The following PHACTR2 variants were observed in gnomAD, a reference collection of about 807,000 sequenced individuals.
PHACTR2 encodes chromosome 6 open reading frame 56.
In PHACTR2, 30 loss-of-function variants were observed where a neutral mutation model predicts 76.0. The observed-to-expected ratio is 0.39, with a 90% CI of 0.30 to 0.54. PHACTR2 has a LOEUF of 0.54. PHACTR2 is among the 20% of genes least tolerant of loss of function. PHACTR2 has a pLI of 0.61. For missense variants in PHACTR2, 696 were observed against 781.1 expected (o/e 0.89, Z 1.30); for synonymous variants, 292 against 292.5 (o/e 1.00, Z 0.02).
rs1349572677 is a variant in PHACTR2, at chr6:143,803,330, T to C, written c.1846-3727T>C. On this transcript the variant is annotated intron_variant, in intron 11 of 12. Coordinates refer to ENST00000440869, the MANE Select transcript of PHACTR2 (RefSeq NM_001100164.2). The surrounding 1 kb of genome is among the most constrained non-coding windows in gnomAD (Gnocchi z 4.7). ...TGGGAGGCCGAAGTGGGGAGATTGC[T>C]TGAGCCTAGGAGTTTGAGACCAGCC... is the stretch of plus-strand genomic sequence containing the variant. 6.6e-6 allele frequency among the ~76,000 whole-genome samples: 1 copy of C among 152,196 alleles called. No homozygotes were observed. Among genetic ancestry groups the C allele is most frequent in the East Asian group, 1.9e-4 (1 of 5,198 alleles).
chr6:143,741,619 C>G (rs9484810), intron 2 of PHACTR2, among the ~76,000 whole-genome samples: 15 of 152,118 alleles, frequency 9.9e-5, no homozygotes, highest in African/African-American at 3.4e-4. Flanking sequence ...TATCAGATTT[C>G]TGGGTGAAAT....
intron 5 of PHACTR2, among the ~76,000 whole-genome samples, chr6:143,762,675 C>A (rs1181349604): frequency 6.6e-6 from 1 of 152,134 alleles, no homozygotes; most frequent in African/African-American, 2.4e-5. Flanking sequence ...TGATGTTCAG[C>A]CCAGTGATTT....
At chr6:143,572,363 G>A (rs1380329408) in intron 1 of PHACTR2, among the ~76,000 whole-genome samples, 2 of 152,134 alleles carry the variant, frequency 1.3e-5, no homozygotes, top group African/African-American at 4.8e-5. Flanking sequence ...CAACACTGAA[G>A]TGAACCTGAA....
At position 143,585,846 on chromosome 6, in the gene PHACTR2, G is replaced by A. The variant is rs1444129926; in HGVS notation, c.217+48639G>A. On this transcript the variant is annotated intron_variant, in intron 1 of 11. Transcript: ENST00000367584. The surrounding 1 kb of genome is among the most constrained non-coding windows in gnomAD (Gnocchi z 5.2). ...TTAATGTAGCGCTGAATGTTTAAACGGGAAGTGGATGAGCCCAGCAGCAGG... is the reference window on the plus strand; with the variant it reads ...TTAATGTAGCGCTGAATGTTTAAACAGGAAGTGGATGAGCCCAGCAGCAGG... 2.0e-5 allele frequency among the ~76,000 whole-genome samples: 3 copies of A among 152,152 alleles called. No individual in the cohort carries two copies. Among genetic ancestry groups the A allele is most frequent in the Admixed American group, 2.0e-4 (3 of 15,270 alleles).
At position 143,640,000 on chromosome 6, in the gene PHACTR2, A is replaced by C. The variant is rs921516739; in HGVS notation, c.13+31678A>C. Among the ~76,000 whole-genome samples, 12 of 152,224 alleles carry C rather than the reference A, an allele frequency of 7.9e-5. No individual in the cohort carries two copies. The highest frequency in any genetic ancestry group is 2.9e-4 in the African/African-American group (12 of 41,470). ...ATGATGTTTCTGCCAACAGTGGGCC[A>C]CATATATGATGGTAATTCTGTGTAA... is the stretch of plus-strand genomic sequence containing the variant. On this transcript the variant is annotated intron_variant, in intron 1 of 11. Coordinates refer to the PHACTR2 transcript ENST00000305766. This position sits in a 1 kb window ranked among gnomAD's most constrained non-coding sequence, Gnocchi z 5.0.
rs1028569478 is a variant in PHACTR2 at position 143,764,247 on chromosome 6, A to T, written c.695-1014A>T. Among the ~76,000 whole-genome samples, 2 of 152,118 alleles carry T rather than the reference A, an allele frequency of 1.3e-5. No homozygotes were observed. The highest frequency in any genetic ancestry group is 4.8e-5 in the African/African-American group (2 of 41,432). On this transcript the variant is annotated intron_variant, in intron 5 of 12. Coordinates refer to ENST00000440869, the MANE Select transcript of PHACTR2 (RefSeq NM_001100164.2). The surrounding 1 kb of genome is among the most constrained non-coding windows in gnomAD (Gnocchi z 4.7). ...CCAGACACGGTGGCTCACACCTGTA[A>T]TTCTTTGGAGCCACCAAAGCCTCTC...
intron 1 of PHACTR2, among the ~76,000 whole-genome samples, chr6:143,628,946 T>C (rs1344741689): frequency 2.1e-5 from 1 of 46,924 alleles, no homozygotes; most frequent in African/African-American, 7.1e-5. Flanking sequence ...TATATATATA[T>C]ATATATATAT....
rs551163306 is a variant in PHACTR2 at position 143,709,608 on chromosome 6, C to A, written c.47-2408C>A. 6.6e-6 allele frequency among the ~76,000 whole-genome samples: 1 copy of A among 152,242 alleles called. No homozygotes were observed. Among genetic ancestry groups the A allele is most frequent in the South Asian group, 2.1e-4 (1 of 4,826 alleles). On this transcript the variant is annotated intron_variant, in intron 1 of 12. Transcript: ENST00000440869. This position sits in a 1 kb window ranked among gnomAD's most constrained non-coding sequence, Gnocchi z 4.4. ...GAAGCAGTGGGTGCCGCCTTGTCACCCCGACATGGAGGTAAAAATCCCATT... is the reference window on the plus strand; with the variant it reads ...GAAGCAGTGGGTGCCGCCTTGTCACACCGACATGGAGGTAAAAATCCCATT...
In PHACTR2 at chr6:143,767,106, A is replaced by G. The variant is rs968335199; in HGVS notation, c.1232+1308A>G. ...TTAATTGCTAATGATAATAACCTTT[A>G]TTTATTGAATACTCATTTAGTGTCA... On this transcript the variant is annotated intron_variant, in intron 6 of 12. Transcript: ENST00000440869. This position sits in a 1 kb window ranked among gnomAD's most constrained non-coding sequence, Gnocchi z 4.4. Among the ~76,000 whole-genome samples the G allele has an allele frequency of 3.9e-5, 6 of 152,220 alleles. No homozygotes were observed. The highest frequency in any genetic ancestry group is 3.9e-4 in the Admixed American group (6 of 15,280).
At chr6:143,632,252 T>C (rs1373864115) in intron 1 of PHACTR2, among the ~76,000 whole-genome samples, 1 of 152,216 alleles carries the variant, frequency 6.6e-6, no homozygotes, top group Admixed American at 6.5e-5. Context: ...CCACATGATA[T>C]TGTTCTTTAG....
At chr6:143,604,887 G>A (rs546285536), upstream of PHACTR2, among the ~76,000 whole-genome samples, 8 of 111,142 alleles carry the variant, frequency 7.2e-5, no homozygotes, top group South Asian at 2.6e-4. Context: ...GCAAGACTCC[G>A]TCTCAAAAAA....
rs1778706295 is a variant in PHACTR2, at chr6:143,731,816, T to C, written c.215-17169T>C. On this transcript the variant is annotated intron_variant, in intron 2 of 12. Transcript: ENST00000440869. This position sits in a 1 kb window ranked among gnomAD's most constrained non-coding sequence, Gnocchi z 4.9. ...GTTGTTATTTTCTTCTTGAAATGTTTGGTAGAATAAACAGTAAAGCATTAT... is the reference window on the plus strand; with the variant it reads ...GTTGTTATTTTCTTCTTGAAATGTTCGGTAGAATAAACAGTAAAGCATTAT... Among the ~76,000 whole-genome samples the C allele has an allele frequency of 6.6e-6, 1 of 152,212 alleles. No homozygotes were observed. The highest frequency in any genetic ancestry group is 2.1e-4 in the South Asian group (1 of 4,834).
rs1052726145 is a variant in PHACTR2, at chr6:143,684,838, C to G, written c.46+6629C>G. Among the ~76,000 whole-genome samples, 12 of 152,228 alleles carry G rather than the reference C, an allele frequency of 7.9e-5. No individual in the cohort carries two copies. The South Asian group carries it at 1.2e-3, about 16-fold the overall frequency. On this transcript the variant is annotated intron_variant, in intron 1 of 12. Transcript: ENST00000440869. This position sits in a 1 kb window ranked among gnomAD's most constrained non-coding sequence, Gnocchi z 4.3. ...AACACTCTACACAACTGTACATGACCACAATGCTGTGCATAAATAATTTTT... is the reference window on the plus strand; with the variant it reads ...AACACTCTACACAACTGTACATGACGACAATGCTGTGCATAAATAATTTTT...
chr6:143,682,894 A>G (rs903883368), intron 1 of PHACTR2, among the ~76,000 whole-genome samples: 2 of 152,118 alleles, frequency 1.3e-5, no homozygotes, highest in African/African-American at 4.8e-5. Flanking sequence ...TTTTATCATG[A>G]AAGATTGTTC....
intron 1 of PHACTR2, among the ~76,000 whole-genome samples, chr6:143,601,632 G>A (rs1268518199): frequency 6.6e-6 from 1 of 152,222 alleles, no homozygotes; most frequent in Non-Finnish European, 1.5e-5. Context: ...CTTTCACGGA[G>A]ATAGGCTTTT....
upstream of PHACTR2, among the ~76,000 whole-genome samples, chr6:143,604,155 A>G (rs562336807): frequency 6.6e-6 from 1 of 152,228 alleles, no homozygotes; most frequent in Non-Finnish European, 1.5e-5. Flanking sequence ...ATATGTTCCA[A>G]AATGAATAGG....
chr6:143,574,141 T>G (rs1207054195), intron 1 of PHACTR2, among the ~76,000 whole-genome samples: 1 of 152,216 alleles, frequency 6.6e-6, no homozygotes, highest in Non-Finnish European at 1.5e-5. Flanking sequence ...CGTGCAGCTG[T>G]GTGGCTGAGT....
At position 143,598,178 on chromosome 6, in the gene PHACTR2, C is replaced by T. The variant is rs1228132595; in HGVS notation, c.217+60971C>T. Among the ~76,000 whole-genome samples the T allele has an allele frequency of 5.3e-5, 8 of 151,426 alleles. No individual in the cohort carries two copies. The highest frequency in any genetic ancestry group is 2.6e-4 in the Admixed American group (4 of 15,170). On this transcript the variant is annotated intron_variant, in intron 1 of 11. Transcript: ENST00000367584. The surrounding 1 kb of genome is among the most constrained non-coding windows in gnomAD (Gnocchi z 4.1). The stretch of plus-strand genomic sequence containing the variant: ...AAAAGGGACTTTGCAGATGTGAAGA[C>T]GTTAAGGATGTTGACTTAATGATCC...
rs11155319 is a variant in PHACTR2, at chr6:143,689,103, C to G, written c.46+10894C>G. 0.081 allele frequency among the ~76,000 whole-genome samples: 12,293 copies of G among 152,224 alleles called. 617 individuals are homozygous for G. The highest frequency in any genetic ancestry group is 0.18 in the South Asian group (892 of 4,822). ...GCTGCACCCTGTTTGAGACACTCTT[C>G]CCTTCGCTCTTCGCCAAGCTGACTC... On this transcript the variant is annotated intron_variant, in intron 1 of 12. Coordinates refer to ENST00000440869, the MANE Select transcript of PHACTR2 (RefSeq NM_001100164.2). This position sits in a 1 kb window ranked among gnomAD's most constrained non-coding sequence, Gnocchi z 4.4.
Sources: allele counts gnomAD v4.1 joint callset (sites outside exome capture counted in the v4.1 genomes callset), GRCh38; gene constraint gnomAD v4.1.1; non-coding constraint Gnocchi (gnomAD v3.1); transcripts MANE v1.5; gene names NCBI Gene and HGNC (gene_info 2026-07-23, HGNC 2026-07-21).